The following THSD7A variants were observed in gnomAD, a reference collection of about 807,000 sequenced individuals.
The protein encoded by THSD7A is thrombospondin type 1 domain containing 7A.
THSD7A carries 96 observed loss-of-function variants against 231.3 expected under a neutral mutation model. The ratio of observed to expected loss-of-function variants is 0.41; its 90% confidence interval spans 0.35 to 0.49. The LOEUF (loss-of-function observed/expected upper bound fraction) is 0.49, where lower values mean the gene tolerates loss of function less well. Among genes scored for constraint, THSD7A ranks in the 20% least tolerant of loss-of-function variants. The pLI is 0.05. For synonymous variants in THSD7A, 940 were observed against 743.3 expected, an observed-to-expected ratio of 1.26 and a Z score of -4.30; for missense variants, 2,290 against 2,070.2, an observed-to-expected ratio of 1.11 and a Z score of -2.06.
intron 9 of THSD7A, among the ~76,000 whole-genome samples, chr7:11,463,372 T>TAAC (rs571374876): frequency 2.6e-5 from 4 of 152,208 alleles, no homozygotes; most frequent in African/African-American, 4.8e-5. Flanking sequence ...AGAATCTCTT[T>TAAC]AACAACAACA....
intron 22 of THSD7A, among the ~76,000 whole-genome samples, chr7:11,404,474 G>C (rs1482543398): frequency 6.6e-6 from 1 of 152,162 alleles, no homozygotes; most frequent in African/African-American, 2.4e-5. Context: ...TTTAGCCAAG[G>C]GTCACTTTTT....
At chr7:11,460,545 C>A in intron 11 of THSD7A, 117 bp downstream of exon 11, 1 of 673,678 alleles carries the variant, frequency 1.5e-6, no homozygotes. Flanking sequence ...TGGCTCATAG[C>A]AGATTTATAT....
At position 11,446,610 on chromosome 7, in the gene THSD7A, ATAGGCTG is replaced by A. The variant is rs1279442940; in HGVS notation, c.2801-293_2801-287del. Among the ~76,000 whole-genome samples the A allele has an allele frequency of 6.6e-6, 1 of 152,018 alleles. No individual in the cohort carries two copies. Among genetic ancestry groups the A allele is most frequent in the Non-Finnish European group, 1.5e-5 (1 of 67,982 alleles). Reference sequence around the variant, plus strand: ...AAGTATATATTTATCTCTCACCTTCATAGGCTGTGTTATATAGTTTCGACAGTCTTCA... The same window carrying A: ...AAGTATATATTTATCTCTCACCTTCATGTTATATAGTTTCGACAGTCTTCA... On this transcript the variant is annotated intron_variant, in intron 12 of 27. Transcript: ENST00000423059. The surrounding 1 kb of genome is among the most constrained non-coding windows in gnomAD (Gnocchi z 4.0).
chr7:11,419,628 C>A (rs775750418), intron 16 of THSD7A, among the ~76,000 whole-genome samples: 1 of 152,078 alleles, frequency 6.6e-6, no homozygotes, highest in South Asian at 2.1e-4. Flanking sequence ...ATAAAGTTAC[C>A]TGAAAAAGTG....
At chr7:11,692,170 G>A (rs1780253332) in intron 1 of THSD7A, among the ~76,000 whole-genome samples, 1 of 151,374 alleles carries the variant, frequency 6.6e-6, no homozygotes, top group African/African-American at 2.4e-5. Flanking sequence ...ACAGAAGGTG[G>A]GAGTAGAAAT....
chr7:11,607,222 A>T (rs1780763355), intron 2 of THSD7A, among the ~76,000 whole-genome samples: 1 of 152,112 alleles, frequency 6.6e-6, no homozygotes, highest in South Asian at 2.1e-4. Context: ...CGACAAATCT[A>T]TTGTTTGCTT....
At chr7:11,539,493 C>A (rs1583932124) in intron 6 of THSD7A, among the ~76,000 whole-genome samples, 1 of 152,124 alleles carries the variant, frequency 6.6e-6, no homozygotes, top group Non-Finnish European at 1.5e-5. Flanking sequence ...AAAGTAAAAC[C>A]AGCTCATTTG....
At chr7:11,516,566 T>C (rs1788038594) in intron 6 of THSD7A, among the ~76,000 whole-genome samples, 1 of 152,236 alleles carries the variant, frequency 6.6e-6, no homozygotes, top group Non-Finnish European at 1.5e-5. Context: ...CAGCAGTCAA[T>C]GCCAACATCC....
intron 23 of THSD7A, among the ~76,000 whole-genome samples, chr7:11,399,227 A>G (rs1783307195): frequency 6.6e-6 from 1 of 152,234 alleles, no homozygotes; most frequent in South Asian, 2.1e-4. Flanking sequence ...AAATAGTTAT[A>G]TAATCTATGG....
chr7:11,687,024 A>T (rs1780079025), intron 1 of THSD7A, among the ~76,000 whole-genome samples: 2 of 151,918 alleles, frequency 1.3e-5, no homozygotes, highest in South Asian at 4.1e-4. Flanking sequence ...TAAAAAAATA[A>T]TATGTGGGAG....
intron 2 of THSD7A, among the ~76,000 whole-genome samples, chr7:11,624,194 T>A (rs1781407077): frequency 6.6e-6 from 1 of 152,120 alleles, no homozygotes; most frequent in Non-Finnish European, 1.5e-5. Context: ...TTGCTGCTAC[T>A]TTGATCCAGG....
chr7:11,678,813 A>C (rs998179311), intron 1 of THSD7A, among the ~76,000 whole-genome samples: 7 of 152,200 alleles, frequency 4.6e-5, no homozygotes, highest in African/African-American at 1.7e-4. Context: ...ATTCCAAACA[A>C]TAGTAAAAGA....
intron 1 of THSD7A, among the ~76,000 whole-genome samples, chr7:11,815,154 A>T (rs1784644888): frequency 6.6e-6 from 1 of 151,900 alleles, no homozygotes; most frequent in Admixed American, 6.6e-5. Flanking sequence ...TGAAGACCTG[A>T]TATGATTGTC....
chr7:11,636,007 G>C lies in THSD7A; in HGVS notation c.1022+123C>G. ...ACAAGCTCAGAAGCCTTAAATTTGGGGGTAGCTCATCCTAGGTTGTGCCCC... is the reference window on the plus strand; with the variant it reads ...ACAAGCTCAGAAGCCTTAAATTTGGCGGTAGCTCATCCTAGGTTGTGCCCC... On this transcript the variant is annotated intron_variant, in intron 2 of 27. Transcript: ENST00000423059. The surrounding 1 kb of genome is among the most constrained non-coding windows in gnomAD (Gnocchi z 10.0). 1 of 826,402 alleles carries C rather than the reference G, an allele frequency of 1.2e-6. No individual in the cohort carries two copies. Among genetic ancestry groups the C allele is most frequent in the Non-Finnish European group, 1.8e-6 (1 of 553,550 alleles). 51.2% of individuals were successfully genotyped at this position (826,402 alleles called of 1,614,324 possible). A position where few individuals can be genotyped will look rare whatever the true frequency, so the allele number is the denominator to read the frequency against.
chr7:11,829,320 T>C (rs1158321370), intron 1 of THSD7A, among the ~76,000 whole-genome samples: 5 of 152,196 alleles, frequency 3.3e-5, no homozygotes, highest in African/African-American at 1.2e-4. Context: ...GTATCTGACA[T>C]ATGCATTCAT....
At chr7:11,378,816 GGAATT>G (rs1258744134) in intron 26 of THSD7A, 18 of 416,214 alleles carry the variant, frequency 4.3e-5, no homozygotes, top group East Asian at 1.6e-4. Context: ...TTTTTGGACT[GGAATT>G]GAATTGAATT....
chr7:11,660,867 C>T (rs981996242), intron 1 of THSD7A, among the ~76,000 whole-genome samples: 1 of 151,372 alleles, frequency 6.6e-6, no homozygotes, highest in Non-Finnish European at 1.5e-5. Flanking sequence ...ATTAGAAAAG[C>T]TGGAGAAATG....
At chr7:11,810,010 A>G (rs1047443260) in intron 1 of THSD7A, among the ~76,000 whole-genome samples, 1 of 152,172 alleles carries the variant, frequency 6.6e-6, no homozygotes, top group African/African-American at 2.4e-5. Flanking sequence ...ATGAAAAAGT[A>G]TGGGATAGGA....
intron 1 of THSD7A, among the ~76,000 whole-genome samples, chr7:11,810,372 C>A (rs1214715474): frequency 6.6e-6 from 1 of 152,134 alleles, no homozygotes; most frequent in Non-Finnish European, 1.5e-5. Flanking sequence ...CTTCCTTGCC[C>A]ATCTCCAGCT....
Sources: allele counts gnomAD v4.1 joint callset (sites outside exome capture counted in the v4.1 genomes callset), GRCh38; gene constraint gnomAD v4.1.1; non-coding constraint Gnocchi (gnomAD v3.1); transcripts MANE v1.5; gene names NCBI Gene and HGNC (gene_info 2026-07-23, HGNC 2026-07-21).